Variants in EFNA5 observed in about 807,000 individuals in gnomAD.
EFNA5 encodes ephrin-A5.
EFNA5 carries 5 observed loss-of-function variants against 22.9 expected under a neutral mutation model. The ratio of observed to expected loss-of-function variants is 0.22; its 90% CI spans 0.11 to 0.46. The LOEUF is 0.46. EFNA5 is among the 20% of genes least tolerant of loss of function. EFNA5 has a pLI of 0.99. For synonymous variants in EFNA5, 113 were observed against 112.2 expected (o/e 1.01, Z -0.04); for missense variants, 237 against 293.3 (o/e 0.81, Z 1.40).
At chr5:107,615,911 T>C (rs776215015) in intron 1 of EFNA5, among the ~76,000 whole-genome samples, 4 of 152,206 alleles carry the variant, frequency 2.6e-5, no homozygotes, top group Admixed American at 6.5e-5. Context: ...ATAAATAGAC[T>C]ATGGTTAAAA....
intron 1 of EFNA5, among the ~76,000 whole-genome samples, chr5:107,460,500 T>C (rs1307102444): frequency 2.0e-5 from 3 of 152,332 alleles, no homozygotes; most frequent in African/African-American, 7.2e-5. Flanking sequence ...ACAGCAAGCA[T>C]ATCAGTGTAG....
At chr5:107,395,675 T>C (rs1747903206) in intron 2 of EFNA5, among the ~76,000 whole-genome samples, 1 of 152,230 alleles carries the variant, frequency 6.6e-6, no homozygotes, top group Non-Finnish European at 1.5e-5. Flanking sequence ...TTTCTCAGGC[T>C]TTAAGGTCAG....
chr5:107,457,184 GT>G (rs928862132), intron 1 of EFNA5, among the ~76,000 whole-genome samples: 1 of 152,108 alleles, frequency 6.6e-6, no homozygotes, highest in Non-Finnish European at 1.5e-5. Context: ...TCCAAATGCT[GT>G]TAATATACAA....
At chr5:107,578,438 A>C (rs1748970784) in intron 1 of EFNA5, among the ~76,000 whole-genome samples, 1 of 152,210 alleles carries the variant, frequency 6.6e-6, no homozygotes. Flanking sequence ...GAGAGTCCCA[A>C]GAGGGGGCCA....
intron 1 of EFNA5, among the ~76,000 whole-genome samples, chr5:107,660,316 T>A (rs1433249118): frequency 5.5e-5 from 4 of 72,784 alleles, no homozygotes; most frequent in Non-Finnish European, 9.1e-5. Context: ...ATATATATAT[T>A]TGGCAAGTGG....
At chr5:107,479,642 C>A (rs1003516839) in intron 1 of EFNA5, among the ~76,000 whole-genome samples, 2 of 152,072 alleles carry the variant, frequency 1.3e-5, no homozygotes, top group African/African-American at 4.8e-5. Context: ...GAGGTTTTTC[C>A]CCACTGAATA....
chr5:107,534,897 G>A (rs140628952), intron 1 of EFNA5, among the ~76,000 whole-genome samples: 62 of 152,254 alleles, frequency 4.1e-4, no homozygotes, highest in African/African-American at 1.4e-3. Context: ...TATAAAGCCT[G>A]AATTTCTTTC....
chr5:107,490,517 T>A (rs1746775482), intron 1 of EFNA5, among the ~76,000 whole-genome samples: 1 of 152,184 alleles, frequency 6.6e-6, no homozygotes, highest in Non-Finnish European at 1.5e-5. Flanking sequence ...ATCAAGCATC[T>A]CTTGCATCCT....
chr5:107,639,734 T>C (rs915181480), intron 1 of EFNA5, among the ~76,000 whole-genome samples: 2 of 152,140 alleles, frequency 1.3e-5, no homozygotes, highest in Non-Finnish European at 2.9e-5. Flanking sequence ...TTGTAAACAG[T>C]AAACAAATAA....
chr5:107,610,981 A>G (rs1749811209), intron 1 of EFNA5, among the ~76,000 whole-genome samples: 14 of 152,156 alleles, frequency 9.2e-5, no homozygotes, highest in Admixed American at 9.2e-4. Flanking sequence ...GTTCAGAGAC[A>G]CTCATGATGA....
intron 4 of EFNA5, among the ~76,000 whole-genome samples, chr5:107,384,628 T>C (rs1181849144): frequency 2.6e-5 from 4 of 152,022 alleles, no homozygotes; most frequent in African/African-American, 9.7e-5. Context: ...TCTCTCTTCT[T>C]AGAGACAGAA....
intron 1 of EFNA5, among the ~76,000 whole-genome samples, chr5:107,630,771 A>T (rs1750233602): frequency 6.6e-6 from 1 of 152,102 alleles, no homozygotes; most frequent in Non-Finnish European, 1.5e-5. Context: ...TTGTAATACC[A>T]CTTAGCTTGA....
intron 2 of EFNA5, among the ~76,000 whole-genome samples, chr5:107,415,009 C>A (rs1409380209): frequency 6.6e-6 from 1 of 152,158 alleles, no homozygotes; most frequent in East Asian, 1.9e-4. Flanking sequence ...GAGCTAAGGG[C>A]ATGAACTTTG....
At chr5:107,537,915 T>A (rs1434371009) in intron 1 of EFNA5, among the ~76,000 whole-genome samples, 1 of 152,178 alleles carries the variant, frequency 6.6e-6, no homozygotes, top group Non-Finnish European at 1.5e-5. Flanking sequence ...GATTAGCACA[T>A]AATACACTGG....
intron 1 of EFNA5, among the ~76,000 whole-genome samples, chr5:107,443,849 C>G (rs1056348744): frequency 6.6e-6 from 1 of 152,100 alleles, no homozygotes; most frequent in Non-Finnish European, 1.5e-5. Flanking sequence ...GCACGTTCAG[C>G]ACATGTATCC....
chr5:107,640,647 G>C (rs760174015), intron 1 of EFNA5, among the ~76,000 whole-genome samples: 111 of 152,340 alleles, frequency 7.3e-4, no homozygotes, highest in Non-Finnish European at 1.2e-3. Context: ...AGCTTCACCA[G>C]AGGAATACAT....
intron 1 of EFNA5, among the ~76,000 whole-genome samples, chr5:107,504,252 CAA>C (rs1747203600): frequency 6.6e-6 from 1 of 152,126 alleles, no homozygotes; most frequent in Non-Finnish European, 1.5e-5. Context: ...TACAGACTGA[CAA>C]GGGCTAAAAT....
At chr5:107,534,949 G>A (rs1038265253) in intron 1 of EFNA5, among the ~76,000 whole-genome samples, 3 of 152,168 alleles carry the variant, frequency 2.0e-5, no homozygotes, top group African/African-American at 7.2e-5. Flanking sequence ...AGTTTGCCAT[G>A]AAGGAAAATA....
intron 1 of EFNA5, among the ~76,000 whole-genome samples, chr5:107,664,787 A>C (rs969312180): frequency 6.6e-6 from 1 of 152,174 alleles, no homozygotes; most frequent in Non-Finnish European, 1.5e-5. Flanking sequence ...CTTCCTTTGC[A>C]ACATGGATAT....
Sources: gnomAD v4.1 joint callset for allele counts (sites outside exome capture counted in the v4.1 genomes callset) on GRCh38, gnomAD v4.1.1 for gene constraint, MANE v1.5 for transcripts, NCBI Gene and HGNC (gene_info 2026-07-23, HGNC 2026-07-21) for gene names.